The following ANK2 variants were observed in gnomAD, a reference collection of about 807,000 sequenced individuals.
ANK2 encodes the protein ankyrin 2.
A neutral mutation model predicts 360.5 loss-of-function variants in ANK2; 83 were observed. That is an observed-to-expected ratio of 0.23 (90% CI 0.19 to 0.28). The LOEUF is 0.28. Ranked by LOEUF, ANK2 falls within the 10% of genes least tolerant of loss-of-function variation. ANK2 has a pLI of 1.00. For synonymous variants in ANK2, 1,740 were observed against 1,759.5 expected (o/e 0.99, Z 0.28); for missense variants, 4,201 against 4,795.7 (o/e 0.88, Z 3.66).
chr4:113,001,556 T>G (rs199932386), intron 2 of ANK2, among the ~76,000 whole-genome samples: 1 of 6,082 alleles, frequency 1.6e-4, no homozygotes. Context: ...CTCCATATTT[T>G]AATTAAGTGA....
chr4:112,888,036 A>C (rs1003212448), intron 1 of ANK2, among the ~76,000 whole-genome samples: 4 of 152,172 alleles, frequency 2.6e-5, no homozygotes, highest in African/African-American at 9.6e-5. Context: ...CTCAGATATC[A>C]TAGCTGTACT....
the ANK2 span, among the ~76,000 whole-genome samples, chr4:112,771,119 A>T: frequency 2.0e-5 from 3 of 151,704 alleles, no homozygotes; most frequent in East Asian, 1.9e-4. Context: ...TTTATTTATT[A>T]TTTTTTTTTC....
chr4:113,130,914 G>T (rs1470206256), intron 1 of ANK2, among the ~76,000 whole-genome samples: 2 of 152,118 alleles, frequency 1.3e-5, no homozygotes, highest in African/African-American at 4.8e-5. Flanking sequence ...GAATGAAACA[G>T]AACCAGAGCT....
intron 14 of ANK2, among the ~76,000 whole-genome samples, chr4:113,268,024 A>G (rs1476552936): frequency 1.3e-5 from 2 of 152,092 alleles, no homozygotes; most frequent in African/African-American, 4.8e-5. Context: ...TGTGAATGGG[A>G]ATTTACTCAT....
intron 18 of ANK2, among the ~76,000 whole-genome samples, chr4:113,284,210 G>A (rs1331849987): frequency 6.6e-6 from 1 of 152,178 alleles, no homozygotes; most frequent in Non-Finnish European, 1.5e-5. Context: ...ACAGTCTAGG[G>A]CATGGGCGTC....
At chr4:112,944,263 T>C (rs2094420772) in intron 2 of ANK2, among the ~76,000 whole-genome samples, 1 of 152,212 alleles carries the variant, frequency 6.6e-6, no homozygotes. Flanking sequence ...TGTCTATTTG[T>C]TCACTATGAT....
intron 22 of ANK2, among the ~76,000 whole-genome samples, chr4:113,300,119 C>T (rs980950786): frequency 3.3e-5 from 5 of 152,056 alleles, no homozygotes; most frequent in South Asian, 2.1e-4. Flanking sequence ...GTTCATTCAA[C>T]AAATATTTAT....
chr4:113,286,538 A>G (rs920057200), intron 18 of ANK2, among the ~76,000 whole-genome samples: 8 of 152,212 alleles, frequency 5.3e-5, no homozygotes, highest in African/African-American at 1.7e-4. Context: ...TTTGAAGAAC[A>G]TGGCTTAGCT....
chr4:113,182,190 C>G (rs2098431412), intron 2 of ANK2, among the ~76,000 whole-genome samples: 1 of 151,972 alleles, frequency 6.6e-6, no homozygotes, highest in South Asian at 2.1e-4. Context: ...GGGTTGAGGT[C>G]ACAATGGAAA....
Position 112,992,278 on chromosome 4 carries a change from G to A in ANK2, c.21+87764G>A, listed in dbSNP as rs532405900. On this transcript the variant is annotated intron_variant, in intron 2 of 30. Transcript: ENST00000503271. ...CCTGCCTCAGTTTCCCAAGTAGCTGGGATTACAGGCATGAGTCACCACGCC... is the reference window on the plus strand; with the variant it reads ...CCTGCCTCAGTTTCCCAAGTAGCTGAGATTACAGGCATGAGTCACCACGCC... Among the ~76,000 whole-genome samples, 98 of 152,026 alleles carry A rather than the reference G, an allele frequency of 6.4e-4. 2 individuals carry two copies. The South Asian group carries it at 0.016, about 25-fold the overall frequency.
intron 4 of ANK2, among the ~76,000 whole-genome samples, chr4:113,207,890 A>T (rs879294336): frequency 3.3e-5 from 5 of 152,096 alleles, no homozygotes; most frequent in Non-Finnish European, 5.9e-5. Flanking sequence ...GTGGTAACTG[A>T]ACTTCTTTTA....
In ANK2 at chr4:113,354,353, A is replaced by T. The variant is rs2095607309; in HGVS notation, c.5735A>T (p.Lys1912Ile). The T allele has an allele frequency of 6.2e-7, 1 of 1,613,952 alleles. No individual in the cohort carries two copies. The highest frequency in any genetic ancestry group is 1.7e-5 in the Admixed American group (1 of 59,994). The change falls in exon 38 of 46, where the codon AAA (lysine) becomes ATA (isoleucine). Residue 1912 changes from lysine to isoleucine, a missense_variant. Lys to Ile is a moderately radical substitution (Grantham distance 102). Coordinates refer to ENST00000357077, the MANE Select transcript of ANK2 (RefSeq NM_001148.6). ...PPVSPSGKTD[K>I]RPPVSPSGRT... ...GTTTCGCCTTCAGGCAAAACAGACA[A>T]ACGTCCACCTGTATCGCCCTCCGGG...
At chr4:112,888,387 A>G (rs1211547513) in intron 1 of ANK2, among the ~76,000 whole-genome samples, 1 of 152,172 alleles carries the variant, frequency 6.6e-6, no homozygotes, top group African/African-American at 2.4e-5. Context: ...TATTTTGTAT[A>G]ACTACTACAA....
At chr4:113,016,806 A>G (rs1211589312) in intron 2 of ANK2, among the ~76,000 whole-genome samples, 2 of 152,230 alleles carry the variant, frequency 1.3e-5, no homozygotes, top group Non-Finnish European at 2.9e-5. Flanking sequence ...TACTGAGGAC[A>G]AGAAGATGTG....
the ANK2 span, among the ~76,000 whole-genome samples, chr4:112,782,820 G>A: frequency 6.6e-6 from 1 of 151,784 alleles, no homozygotes; most frequent in Non-Finnish European, 1.5e-5. Context: ...AGTGAGCTGA[G>A]ATTGCACCAC....
chr4:112,770,010 G>C, the ANK2 span, among the ~76,000 whole-genome samples: 17 of 152,200 alleles, frequency 1.1e-4, no homozygotes, highest in Middle Eastern at 3.4e-3. Flanking sequence ...ATAATCACAC[G>C]ATCTAATTAT....
At chr4:113,377,625 T>G (rs1249229363) in intron 45 of ANK2, among the ~76,000 whole-genome samples, 1 of 152,214 alleles carries the variant, frequency 6.6e-6, no homozygotes, top group Non-Finnish European at 1.5e-5. Flanking sequence ...TAATATATAT[T>G]GAAATTATAT....
Position 113,173,545 on chromosome 4 carries a change from G to A in ANK2, c.85-871G>A, listed in dbSNP as rs1043865805. 6.6e-5 allele frequency among the ~76,000 whole-genome samples: 10 copies of A among 152,114 alleles called. No individual in the cohort carries two copies. In the South Asian group the frequency reaches 8.3e-4, roughly 13 times the overall value. ...TGGAACCCAACAAAAGTTTATCATC[G>A]TTATTATGTTAAGGTTTAAAAGTCA... On this transcript the variant is annotated intron_variant, in intron 1 of 45. Coordinates refer to ENST00000357077, the MANE Select transcript of ANK2 (RefSeq NM_001148.6).
rs142489967 is a variant in ANK2, at chr4:113,222,737, A to T, written c.385-9424A>T. Among the ~76,000 whole-genome samples, 3 of 152,146 alleles carry T rather than the reference A, an allele frequency of 2.0e-5. No homozygotes were observed. The East Asian group carries it at 5.8e-4, about 29-fold the overall frequency. ...CACAGTAAACACTTGATAAAACTTA[A>T]CCTCCCCAGAAAGATTTAGGACATT... On this transcript the variant is annotated intron_variant, in intron 4 of 45. Transcript: ENST00000357077.
Sources: allele counts gnomAD v4.1 joint callset (sites outside exome capture counted in the v4.1 genomes callset), GRCh38; gene constraint gnomAD v4.1.1; transcripts MANE v1.5; gene names NCBI Gene and HGNC (gene_info 2026-07-23, HGNC 2026-07-21).